CDC42BPB: variants seen among roughly 807,000 people sequenced by gnomAD.
CDC42BPB encodes the protein CDC42 binding protein kinase beta, also known as serine/threonine-protein kinase MRCK beta.
CDC42BPB carries 37 observed loss-of-function variants against 214.9 expected under a neutral mutation model. The ratio of observed to expected loss-of-function variants is 0.17; its 90% CI spans 0.13 to 0.23. The LOEUF (loss-of-function observed/expected upper bound fraction) is 0.23, where lower values mean the gene tolerates loss of function less well. Among genes scored for constraint, CDC42BPB ranks in the 10% least tolerant of loss-of-function variants. The pLI is 1.00. For synonymous variants in CDC42BPB, 931 were observed against 884.0 expected (o/e 1.05, Z -0.94); for missense variants, 1,694 against 2,227.0 (o/e 0.76, Z 4.82).
At chr14:102,957,198 C>CAAAA (rs1169886657) in intron 21 of CDC42BPB, among the ~76,000 whole-genome samples, 1 of 33,418 alleles carries the variant, frequency 3.0e-5, no homozygotes, top group Non-Finnish European at 7.0e-5. Context: ...AAGACTGTCT[C>CAAAA]AAAAAAAAAA....
At chr14:102,974,796 G>A (rs1893660880) in intron 11 of CDC42BPB, among the ~76,000 whole-genome samples, 1 of 151,962 alleles carries the variant, frequency 6.6e-6, no homozygotes, top group Non-Finnish European at 1.5e-5. Context: ...TCTCTATTTT[G>A]TAAAAATACA....
At chr14:102,980,489 CA>C (rs879366441) in intron 8 of CDC42BPB, among the ~76,000 whole-genome samples, 28 of 139,562 alleles carry the variant, frequency 2.0e-4, no homozygotes, top group Admixed American at 2.1e-4. Flanking sequence ...AAGACTGTCT[CA>C]AAAAAAAAAA....
intron 1 of CDC42BPB, among the ~76,000 whole-genome samples, chr14:103,048,415 G>A (rs1014147752): frequency 6.6e-6 from 1 of 151,596 alleles, no homozygotes; most frequent in Admixed American, 6.6e-5. Context: ...ATGGCTGGGC[G>A]CGGTAGCTCA....
At position 102,947,717 on chromosome 14, in the gene CDC42BPB, A is replaced by G; in HGVS notation, c.3531+4T>C. 6.2e-7 allele frequency: 1 copy of G among 1,606,396 alleles called. No homozygotes were observed. Among genetic ancestry groups the G allele is most frequent in the Non-Finnish European group, 8.5e-7 (1 of 1,174,150 alleles). The stretch of plus-strand genomic sequence containing the variant: ...TGTTAAAAAGATTAATGAAAAATTC[A>G]TACCCTGAATATACATGGAATATCT... On this transcript the variant is annotated splice_donor_region_variant and intron_variant, in intron 27 of 36. Transcript: ENST00000361246.
rs202129032 is a variant in CDC42BPB at position 102,999,549 on chromosome 14, A to G, written c.596+16T>C. On this transcript the variant is annotated intron_variant, in intron 5 of 36. Transcript: ENST00000361246. ...ATTAAACGTGGTTTCCATAAAATATATCAGAAGCCGGTTACCTGTGCACGT... is the reference window on the plus strand; with the variant it reads ...ATTAAACGTGGTTTCCATAAAATATGTCAGAAGCCGGTTACCTGTGCACGT... The G allele has an allele frequency of 6.2e-7, 1 of 1,613,026 alleles. No homozygotes were observed. Among genetic ancestry groups the G allele is most frequent in the African/African-American group, 1.3e-5 (1 of 74,958 alleles).
At chr14:103,030,167 G>A (rs553898066) in intron 1 of CDC42BPB, among the ~76,000 whole-genome samples, 7 of 152,236 alleles carry the variant, frequency 4.6e-5, no homozygotes, top group Non-Finnish European at 7.3e-5. Flanking sequence ...CACCTTGCCC[G>A]ACAGGAGTGA....
intron 1 of CDC42BPB, among the ~76,000 whole-genome samples, chr14:103,023,935 C>T (rs1430767597): frequency 1.3e-5 from 2 of 152,210 alleles, no homozygotes; most frequent in Admixed American, 6.5e-5. Context: ...GTCAGCTGGG[C>T]AGGACCCTTC....
chr14:103,017,228 C>T (rs769908606), intron 1 of CDC42BPB, among the ~76,000 whole-genome samples: 8 of 152,024 alleles, frequency 5.3e-5, no homozygotes, highest in Non-Finnish European at 1.2e-4. Flanking sequence ...AAGGTGGAGG[C>T]GAGAGATCGC....
chr14:102,952,578 T>C lies in CDC42BPB; in HGVS notation c.3092A>G (p.Lys1031Arg), dbSNP rs1249983880. ...GCACTGAGTAGGGCTGGAGAAGGACTTGATGCTGAACTGGTGAGCTTTTGG... is the reference window on the plus strand; with the variant it reads ...GCACTGAGTAGGGCTGGAGAAGGACCTGATGCTGAACTGGTGAGCTTTTGG... ...PKPKAHQFSI[K>R]SFSSPTQCSH... Residue 1031 changes from lysine (K) to arginine (R), a missense_variant, in exon 24 of 37, where the codon AAG becomes AGG. Physicochemically the swap from Lys to Arg is conservative, Grantham distance 26. Coordinates refer to ENST00000361246, the MANE Select transcript of CDC42BPB (RefSeq NM_006035.4). 1.2e-6 allele frequency: 2 copies of C among 1,614,032 alleles called. No homozygotes were observed. Among genetic ancestry groups the C allele is most frequent in the Admixed American group, 1.7e-5 (1 of 60,010 alleles).
intron 27 of CDC42BPB, among the ~76,000 whole-genome samples, chr14:102,947,468 G>A (rs895853556): frequency 6.6e-6 from 1 of 152,188 alleles, no homozygotes; most frequent in African/African-American, 2.4e-5. Context: ...TGGAAGAGGA[G>A]TTTCAGATGT....
chr14:102,978,070 C>A, intron 9 of CDC42BPB, 56 bp downstream of exon 9: 1 of 1,340,056 alleles, frequency 7.5e-7, no homozygotes, highest in Non-Finnish European at 1.1e-6. Flanking sequence ...TGGTGTCTGA[C>A]TGTTCATCTA....
At chr14:103,041,803 G>T (rs1281069909) in intron 1 of CDC42BPB, 4 of 429,632 alleles carry the variant, frequency 9.3e-6, no homozygotes, top group South Asian at 6.9e-5. Context: ...GCAGGCCAAG[G>T]TGCGGCGGCT....
At chr14:103,028,644 A>C (rs929345244) in intron 1 of CDC42BPB, among the ~76,000 whole-genome samples, 5 of 152,222 alleles carry the variant, frequency 3.3e-5, no homozygotes, top group Admixed American at 6.5e-5. Context: ...CAACAGGTGC[A>C]TGTGAGTGAA....
At chr14:102,942,971 C>T (rs572846112) in intron 30 of CDC42BPB, among the ~76,000 whole-genome samples, 63 of 152,158 alleles carry the variant, frequency 4.1e-4, no homozygotes, top group Non-Finnish European at 6.9e-4. Flanking sequence ...TGGGTTCAAG[C>T]GATTCTCCTG....
chr14:102,961,538 C>G lies in CDC42BPB; in HGVS notation c.2821+1523G>C, dbSNP rs564923449. 4.0e-5 allele frequency among the ~76,000 whole-genome samples: 6 copies of G among 149,696 alleles called. No homozygotes were observed. In the South Asian group the frequency reaches 6.4e-4, roughly 16 times the overall value. ...TTAGTAGAGATGGCAAAACCCCCCC[C>G]ACTTTTTTTTAAGACAGCGTTTTGC... On this transcript the variant is annotated intron_variant, in intron 20 of 36. Coordinates refer to ENST00000361246, the MANE Select transcript of CDC42BPB (RefSeq NM_006035.4).
chr14:103,035,922 C>A (rs1447009687), intron 1 of CDC42BPB, among the ~76,000 whole-genome samples: 1 of 152,028 alleles, frequency 6.6e-6, no homozygotes, highest in African/African-American at 2.4e-5. Flanking sequence ...AAGGCCAAGG[C>A]AGGAGGATCG....
chr14:102,943,779 T>C lies in CDC42BPB; in HGVS notation c.4408+112A>G. ...ATGGGGCCCACCTCTCCCGATGCTCTGTGACTACTCAACTAAGGGACTGGA... is the reference window on the plus strand; with the variant it reads ...ATGGGGCCCACCTCTCCCGATGCTCCGTGACTACTCAACTAAGGGACTGGA... On this transcript the variant is annotated intron_variant, in intron 30 of 36. Coordinates refer to ENST00000361246, the MANE Select transcript of CDC42BPB (RefSeq NM_006035.4). This position sits in a 1 kb window ranked among gnomAD's most constrained non-coding sequence, Gnocchi z 4.6. 1 of 939,862 alleles carries C rather than the reference T, an allele frequency of 1.1e-6. No homozygotes were observed. Among genetic ancestry groups the C allele is most frequent in the South Asian group, 1.6e-5 (1 of 61,184 alleles). The allele number at this position is 939,862 out of a possible 1,614,324, so 58.2% of individuals were successfully genotyped here. A position where few individuals can be genotyped will look rare whatever the true frequency, so the allele number is the denominator to read the frequency against.
chr14:103,052,699 C>G (rs1394677383), intron 1 of CDC42BPB, among the ~76,000 whole-genome samples: 1 of 152,180 alleles, frequency 6.6e-6, no homozygotes, highest in South Asian at 2.1e-4. Flanking sequence ...GATGCCCGGA[C>G]TGGGGACTGG....
At chr14:103,003,139 C>T (rs531219924) in intron 4 of CDC42BPB, among the ~76,000 whole-genome samples, 1 of 152,158 alleles carries the variant, frequency 6.6e-6, no homozygotes, top group Non-Finnish European at 1.5e-5. Flanking sequence ...AGAAACAGTG[C>T]CATTGGGAAT....
Sources: allele counts gnomAD v4.1 joint callset (sites outside exome capture counted in the v4.1 genomes callset), GRCh38; gene constraint gnomAD v4.1.1; non-coding constraint Gnocchi (gnomAD v3.1); transcripts MANE v1.5; gene names NCBI Gene and HGNC (gene_info 2026-07-23, HGNC 2026-07-21).